The following VAMP4 variants were observed in gnomAD, a reference collection of about 807,000 sequenced individuals.
The protein encoded by VAMP4 is vesicle associated membrane protein 4.
In VAMP4, 19 loss-of-function variants were observed where a neutral mutation model predicts 23.5. That is an observed-to-expected ratio of 0.81 (90% CI 0.56 to 1.19). The LOEUF (loss-of-function observed/expected upper bound fraction) is 1.19. VAMP4 is among the 50% of genes most tolerant of loss of function. The pLI, the probability that VAMP4 is intolerant of heterozygous loss-of-function variation, is 0.00. For missense variants in VAMP4, 145 were observed against 168.6 expected (o/e 0.86, Z 0.78); for synonymous variants, 31 against 51.0 (o/e 0.61, Z 1.67).
intron 2 of VAMP4, among the ~76,000 whole-genome samples, chr1:171,730,235 A>C (rs541490343): frequency 6.6e-6 from 1 of 152,328 alleles, no homozygotes; most frequent in East Asian, 1.9e-4. Context: ...TGGGAAACTA[A>C]TACACTACCC....
Position 171,710,786 on chromosome 1 carries a change from C to T in VAMP4, c.193G>A (p.Asp65Asn). ...TTTGTAATATTTTCTTGCATGACATCAATAACTTCATCCACTTGATTCTGA... is the reference window on the plus strand; with the variant it reads ...TTTGTAATATTTTCTTGCATGACATTAATAACTTCATCCACTTGATTCTGA... ...HVQNQVDEVI[D>N]VMQENITKVI... The change falls in exon 5 of 8, where the codon GAT becomes AAT. Residue 65 changes from aspartate to asparagine, a missense_variant. Coordinates refer to ENST00000236192, the MANE Select transcript of VAMP4 (RefSeq NM_003762.5). 2 of 1,609,084 alleles carry T rather than the reference C, an allele frequency of 1.2e-6. No individual in the cohort carries two copies. The highest frequency in any genetic ancestry group is 8.5e-7 in the Non-Finnish European group (1 of 1,177,710).
In VAMP4 at chr1:171,706,370, T is replaced by A; in HGVS notation, c.394A>T (p.Ile132Phe). 2.5e-6 allele frequency: 4 copies of A among 1,609,538 alleles called. No individual in the cohort carries two copies. The highest frequency in any genetic ancestry group is 2.5e-6 in the Non-Finnish European group (3 of 1,177,766). ...TAATAATCCAATAAATACTTACTGA[T>A]AATCACTAGCAAAAGGATAGCAGCA... ...LVAAILLLVI[I>F]ILIVMKYRT Residue 132 changes from isoleucine to phenylalanine, a missense_variant, in exon 7 of 8, where the codon ATC becomes TTC. Physicochemically the swap from Ile to Phe is conservative, Grantham distance 21 (BLOSUM62 0). Coordinates refer to ENST00000236192, the MANE Select transcript of VAMP4 (RefSeq NM_003762.5).
At chr1:171,721,697 T>G (rs971873824) in intron 3 of VAMP4, among the ~76,000 whole-genome samples, 1 of 152,042 alleles carries the variant, frequency 6.6e-6, no homozygotes, top group African/African-American at 2.4e-5. Context: ...CAACTTACAA[T>G]GGATGTGAAG....
At chr1:171,733,472 A>ATAATAG in intron 2 of VAMP4, among the ~76,000 whole-genome samples, 1 of 152,194 alleles carries the variant, frequency 6.6e-6, no homozygotes, top group Middle Eastern at 3.4e-3. Context: ...AATAATAATG[A>ATAATAG]TAATAGTAAT....
chr1:171,730,758 T>C (rs1416751441), intron 2 of VAMP4, among the ~76,000 whole-genome samples: 1 of 149,808 alleles, frequency 6.7e-6, no homozygotes, highest in Non-Finnish European at 1.5e-5. Flanking sequence ...AGGAGGGAGA[T>C]GAGTAAAAAT....
At chr1:171,707,451 TC>T (rs1219311053) in intron 6 of VAMP4, among the ~76,000 whole-genome samples, 3 of 152,090 alleles carry the variant, frequency 2.0e-5, no homozygotes, top group African/African-American at 4.8e-5. Context: ...CTGCACGACA[TC>T]CCCCTTAGCC....
Position 171,726,658 on chromosome 1 carries a change from C to G in VAMP4, c.113+1866G>C, listed in dbSNP as rs549826526. Among the ~76,000 whole-genome samples, 402 of 152,048 alleles carry G rather than the reference C, an allele frequency of 2.6e-3. 4 individuals carry two copies. The highest frequency in any genetic ancestry group is 8.7e-3 in the African/African-American group (362 of 41,484). On this transcript the variant is annotated intron_variant, in intron 3 of 7. Transcript: ENST00000236192. ...TACCTCAAATATATACAAAAATTAA[C>G]TTAAAAAGGGATTGTAGGCCTAAAT...
In VAMP4 at chr1:171,707,592, A is replaced by G. The variant is rs191401129; in HGVS notation, c.346-1174T>C. ...GCTGCCCCAGATGAACAGTAGCACA[A>G]TGAAGTATTAATGGGGCACAGTAAA... On this transcript the variant is annotated intron_variant, in intron 6 of 7. Transcript: ENST00000236192. Among the ~76,000 whole-genome samples the G allele has an allele frequency of 2.5e-3, 383 of 152,306 alleles. 2 individuals are homozygous for G. Among genetic ancestry groups the G allele is most frequent in the African/African-American group, 8.8e-3 (366 of 41,572 alleles).
At chr1:171,723,797 T>C (rs1278311646) in intron 3 of VAMP4, among the ~76,000 whole-genome samples, 1 of 152,208 alleles carries the variant, frequency 6.6e-6, no homozygotes, top group Non-Finnish European at 1.5e-5. Flanking sequence ...GAGTATTGAC[T>C]GGGGAAGTGA....
intron 6 of VAMP4, among the ~76,000 whole-genome samples, chr1:171,708,952 T>C (rs1341854292): frequency 6.7e-6 from 1 of 149,974 alleles, no homozygotes; most frequent in Non-Finnish European, 1.5e-5. Context: ...AGTGAGTTCA[T>C]GTCTAAATTT....
intron 6 of VAMP4, among the ~76,000 whole-genome samples, chr1:171,708,196 GA>G (rs1179874338): frequency 1.3e-5 from 2 of 151,848 alleles, no homozygotes. Flanking sequence ...CTACTCGGGA[GA>G]CTAAGGCAGG....
At position 171,700,284 on chromosome 1, in the gene VAMP4, A is replaced by G. The variant is rs542546278; in HGVS notation, c.*4222T>C. ...GTAAAAATGGTTATGAGGAATTGAG[A>G]AGCTAGGGAACAGGGCACATGACAT... On this transcript the variant is annotated 3_prime_UTR_variant, in exon 8 of 8. Coordinates refer to ENST00000236192, the MANE Select transcript of VAMP4 (RefSeq NM_003762.5). The G allele has an allele frequency of 6.6e-6, 1 of 152,302 alleles. No homozygotes were observed. Among genetic ancestry groups the G allele is most frequent in the East Asian group, 1.9e-4 (1 of 5,182 alleles). The allele number at this position is 152,302 out of a possible 1,614,324, so 9.4% of individuals were successfully genotyped here.
chr1:171,708,711 A>C (rs1572239005), intron 6 of VAMP4, among the ~76,000 whole-genome samples: 1 of 151,156 alleles, frequency 6.6e-6, no homozygotes, highest in African/African-American at 2.4e-5. Flanking sequence ...AAAAAAAAAA[A>C]ACAAAAAAAA....
At chr1:171,738,254 A>C (rs1460376446) in intron 2 of VAMP4, 95 bp downstream of exon 2, 3 of 1,415,602 alleles carry the variant, frequency 2.1e-6, no homozygotes, top group Admixed American at 4.1e-5. Context: ...AGGCATGAGC[A>C]ACCACGCCCG....
At chr1:171,741,102 T>C (rs1472640008) in intron 1 of VAMP4, among the ~76,000 whole-genome samples, 1 of 152,232 alleles carries the variant, frequency 6.6e-6, no homozygotes, top group African/African-American at 2.4e-5. Context: ...AAGAGAGCCA[T>C]CATGTACTTC....
In VAMP4 at chr1:171,701,794, G is replaced by T. The variant is rs952114742; in HGVS notation, c.*2712C>A. 1 of 152,054 alleles carries T rather than the reference G, an allele frequency of 6.6e-6. No individual in the cohort carries two copies. Among genetic ancestry groups the T allele is most frequent in the Non-Finnish European group, 1.5e-5 (1 of 67,968 alleles). 9.4% of individuals were successfully genotyped at this position (152,054 alleles called of 1,614,324 possible). A position where few individuals can be genotyped will look rare whatever the true frequency, so the allele number is the denominator to read the frequency against. ...CTGAGGGCAATTTCCAGTGAACTTTGTCAGGATAGAGGAACCAAATGACCA... is the reference window on the plus strand; with the variant it reads ...CTGAGGGCAATTTCCAGTGAACTTTTTCAGGATAGAGGAACCAAATGACCA... On this transcript the variant is annotated 3_prime_UTR_variant, in exon 8 of 8. Transcript: ENST00000236192.
In VAMP4 at chr1:171,703,132, C is replaced by T. The variant is rs375809531; in HGVS notation, c.*1374G>A. 6.6e-5 allele frequency: 10 copies of T among 151,098 alleles called. 1 individual carries two copies. The highest frequency in any genetic ancestry group is 2.0e-4 in the Admixed American group (3 of 15,140). 9.4% of individuals were successfully genotyped at this position (151,098 alleles called of 1,614,324 possible). On this transcript the variant is annotated 3_prime_UTR_variant, in exon 8 of 8. Transcript: ENST00000236192. ...TTAAATACTGATAATTTCTATTAAC[C>T]CTATTTTTAATTTAGGGAGTTTTAT...
rs190529745 is a variant in VAMP4 at position 171,738,230 on chromosome 1, A to C, written c.66+119T>G. 2.4e-5 allele frequency: 25 copies of C among 1,059,840 alleles called. No individual in the cohort carries two copies. The East Asian group carries it at 6.4e-4, about 27-fold the overall frequency. The allele number at this position is 1,059,840 out of a possible 1,614,324, so 65.7% of individuals were successfully genotyped here. A position where few individuals can be genotyped will look rare whatever the true frequency, so the allele number is the denominator to read the frequency against. The stretch of plus-strand genomic sequence containing the variant: ...CAAGCTATTCTGCTTCAGCGTCCCA[A>C]GTGCGGCGATTGCAGGCATGAGCAA... On this transcript the variant is annotated intron_variant, in intron 2 of 7. Coordinates refer to ENST00000236192, the MANE Select transcript of VAMP4 (RefSeq NM_003762.5).
chr1:171,715,417 T>A (rs1310959541), intron 4 of VAMP4, among the ~76,000 whole-genome samples: 1 of 152,170 alleles, frequency 6.6e-6, no homozygotes, highest in Non-Finnish European at 1.5e-5. Flanking sequence ...AGAGAAGCTG[T>A]ATGGTATAAT....
Sources: gnomAD v4.1 joint callset for allele counts (sites outside exome capture counted in the v4.1 genomes callset) on GRCh38, gnomAD v4.1.1 for gene constraint, MANE v1.5 for transcripts, NCBI Gene and HGNC (gene_info 2026-07-23, HGNC 2026-07-21) for gene names.